The following FCRL3 variants were observed in gnomAD, a reference collection of about 807,000 sequenced individuals.
The protein encoded by FCRL3 is Fc receptor-like protein 3.
In FCRL3, 89 loss-of-function variants were observed where a neutral mutation model predicts 75.0. The observed-to-expected ratio is 1.19, with a 90% confidence interval of 1.00 to 1.42. The LOEUF is 1.42. Among genes scored for constraint, FCRL3 ranks in the 40% most tolerant of loss-of-function variants. FCRL3 has a pLI of 0.00. For missense variants in FCRL3, 946 were observed against 880.0 expected, an observed-to-expected ratio of 1.07 and a Z score of -0.95; for synonymous variants, 376 against 348.5, an observed-to-expected ratio of 1.08 and a Z score of -0.88.
At chr1:157,686,838 A>G (rs1448659250) in intron 10 of FCRL3, among the ~76,000 whole-genome samples, 1 of 152,192 alleles carries the variant, frequency 6.6e-6, no homozygotes. Context: ...TAAAATTCCT[A>G]GAGGAAAACC....
intron 10 of FCRL3, among the ~76,000 whole-genome samples, chr1:157,689,274 A>G (rs562852031): frequency 1.3e-5 from 2 of 152,358 alleles, no homozygotes; most frequent in East Asian, 3.9e-4. Context: ...TGAAATCTGC[A>G]AAAGAGATAC....
chr1:157,684,813 A>C (rs1571195691), intron 10 of FCRL3, among the ~76,000 whole-genome samples: 1 of 152,156 alleles, frequency 6.6e-6, no homozygotes, highest in East Asian at 1.9e-4. Flanking sequence ...AGAGTCAAAA[A>C]ACCTATCATT....
chr1:157,679,686 G>A (rs1438482962), intron 13 of FCRL3, among the ~76,000 whole-genome samples: 1 of 151,604 alleles, frequency 6.6e-6, no homozygotes, highest in Non-Finnish European at 1.5e-5. Context: ...AAATTTAGCT[G>A]GGCATGGTGA....
In FCRL3 at chr1:157,678,009, G is replaced by A; in HGVS notation, c.*701C>T. On this transcript the variant is annotated 3_prime_UTR_variant, in exon 15 of 15. Transcript: ENST00000368184. The stretch of plus-strand genomic sequence containing the variant: ...ATCTATCATGTATGGCAAATGATGA[G>A]ACTATGTCATGAAGCAAAAATTACA... The A allele has an allele frequency of 1.0e-6, 1 of 985,376 alleles. No homozygotes were observed. Among genetic ancestry groups the A allele is most frequent in the Non-Finnish European group, 1.2e-6 (1 of 829,926 alleles). The allele number at this position is 985,376 out of a possible 1,614,324, so 61.0% of individuals were successfully genotyped here.
At position 157,678,150 on chromosome 1, in the gene FCRL3, T is replaced by C. The variant is rs974097523; in HGVS notation, c.*560A>G. 1.0e-6 allele frequency: 1 copy of C among 986,144 alleles called. No individual in the cohort carries two copies. The highest frequency in any genetic ancestry group is 1.7e-5 in the African/African-American group (1 of 57,358). 61.1% of individuals were successfully genotyped at this position (986,144 alleles called of 1,614,324 possible). On this transcript the variant is annotated 3_prime_UTR_variant, in exon 15 of 15. Coordinates refer to ENST00000368184, the MANE Select transcript of FCRL3 (RefSeq NM_052939.4). ...ATTTTTCATCATAACTAGGGTAATT[T>C]GGTTGGGAATGTCACCCTGTAAGTA...
intron 8 of FCRL3, among the ~76,000 whole-genome samples, chr1:157,693,274 CAAAAAAAA>C (rs375572340): frequency 5.5e-5 from 3 of 54,798 alleles, no homozygotes; most frequent in Admixed American, 2.1e-4. Context: ...GACTCCATCT[CAAAAAAAA>C]AAAAAAAAAA....
Position 157,678,862 on chromosome 1 carries a change from A to G in FCRL3, c.2059-6T>C, listed in dbSNP as rs1654631780. ...GAATAGAGGACTGTAAGTTCCTGGTAGAAAAAAACACAAAAGGTAAGTACC... is the reference window on the plus strand; with the variant it reads ...GAATAGAGGACTGTAAGTTCCTGGTGGAAAAAAACACAAAAGGTAAGTACC... On this transcript the variant is annotated splice_polypyrimidine_tract_variant and splice_region_variant and intron_variant, in intron 14 of 14. Transcript: ENST00000368184. 1.2e-6 allele frequency: 2 copies of G among 1,613,910 alleles called. No homozygotes were observed. Among genetic ancestry groups the G allele is most frequent in the Non-Finnish European group, 1.7e-6 (2 of 1,179,976 alleles).
At chr1:157,692,956 A>G (rs533378299) in intron 8 of FCRL3, among the ~76,000 whole-genome samples, 2 of 152,320 alleles carry the variant, frequency 1.3e-5, no homozygotes, top group East Asian at 1.9e-4. Context: ...CATGGCAACC[A>G]AAGTTTAAAC....
At chr1:157,688,404 A>C (rs1655307456) in intron 10 of FCRL3, among the ~76,000 whole-genome samples, 1 of 152,138 alleles carries the variant, frequency 6.6e-6, no homozygotes, top group African/African-American at 2.4e-5. Flanking sequence ...ACACTTATCC[A>C]CCTAATAATG....
Position 157,677,269 on chromosome 1 carries a change from GGTGACCCT to G in FCRL3, c.*1433_*1440del. On this transcript the variant is annotated 3_prime_UTR_variant, in exon 15 of 15. Transcript: ENST00000368184. ...GGAACCTAAGGGTAGCAGAGTTTAT[GGTGACCCT>G]GTAGTGTATCTCCAGAAATGGTGAT... 1 of 996,940 alleles carries G rather than the reference GGTGACCCT, an allele frequency of 1.0e-6. No homozygotes were observed. Among genetic ancestry groups the G allele is most frequent in the Non-Finnish European group, 1.2e-6 (1 of 836,170 alleles). 61.8% of individuals were successfully genotyped at this position (996,940 alleles called of 1,614,324 possible).
At chr1:157,681,225 G>T (rs939429823) in intron 11 of FCRL3, 126 bp from the exon 12 acceptor site, 8 of 503,770 alleles carry the variant, frequency 1.6e-5, no homozygotes, top group Non-Finnish European at 2.3e-5. Context: ...GTCTGCTTCT[G>T]CTTGGGTCTT....
chr1:157,680,647 C>A, intron 13 of FCRL3, 55 bp downstream of exon 13: 1 of 1,465,500 alleles, frequency 6.8e-7, no homozygotes, highest in Non-Finnish European at 9.5e-7. Context: ...AGACCCCTTG[C>A]CCGTTTCAAT....
rs1159356412 is a variant in FCRL3 at position 157,690,675 on chromosome 1, C to G, written c.1412-142G>C. 3.0e-6 allele frequency: 3 copies of G among 992,166 alleles called. No homozygotes were observed. The Admixed American group carries it at 8.6e-5, about 28-fold the overall frequency. 61.5% of individuals were successfully genotyped at this position (992,166 alleles called of 1,614,324 possible). On this transcript the variant is annotated intron_variant, in intron 8 of 14. Transcript: ENST00000368184. ...ACCTGGGCTTCAATCCTGTCTCTATCCTTTATTAGCTCTATAAGCTTGATT... is the reference window on the plus strand; with the variant it reads ...ACCTGGGCTTCAATCCTGTCTCTATGCTTTATTAGCTCTATAAGCTTGATT...
chr1:157,696,999 C>T (rs963503776), intron 6 of FCRL3, 141 bp downstream of exon 6: 28 of 815,454 alleles, frequency 3.4e-5, no homozygotes, highest in East Asian at 9.7e-5. Context: ...GTTAGACCAA[C>T]GTTGAGCTTA....
chr1:157,686,991 G>C (rs1478375444), intron 10 of FCRL3, among the ~76,000 whole-genome samples: 1 of 152,000 alleles, frequency 6.6e-6, no homozygotes, highest in Non-Finnish European at 1.5e-5. Context: ...TATCAACAGA[G>C]TAAACAGGCA....
At position 157,683,363 on chromosome 1, in the gene FCRL3, A is replaced by T. The variant is rs182189448; in HGVS notation, c.1811-119T>A. The T allele has an allele frequency of 6.1e-5, 78 of 1,276,302 alleles. 1 individual carries two copies. The Admixed American group carries it at 1.0e-3, about 17-fold the overall frequency. The allele number at this position is 1,276,302 out of a possible 1,614,324, so 79.1% of individuals were successfully genotyped here. A position where few individuals can be genotyped will look rare whatever the true frequency, so the allele number is the denominator to read the frequency against. On this transcript the variant is annotated intron_variant, in intron 10 of 14. Transcript: ENST00000368184. ...CTAGATCTAAGCTACGGAAAAACTC[A>T]AGGATTATCCAGCTCCACCCTCCTT...
At position 157,677,392 on chromosome 1, in the gene FCRL3, T is replaced by C; in HGVS notation, c.*1318A>G. ...TGCTTTGAAAGGGACTTGGTGTTCC[T>C]ACATGAACCAAGTGAAGGCCTAGAA... On this transcript the variant is annotated 3_prime_UTR_variant, in exon 15 of 15. Transcript: ENST00000368184. 1.0e-6 allele frequency: 1 copy of C among 985,734 alleles called. No individual in the cohort carries two copies. The highest frequency in any genetic ancestry group is 1.2e-6 in the Non-Finnish European group (1 of 830,154). The allele number at this position is 985,734 out of a possible 1,614,324, so 61.1% of individuals were successfully genotyped here.
rs756738282 is a variant in FCRL3 at position 157,697,732 on chromosome 1, A to G, written c.486T>C (p.His162=). 6.2e-6 allele frequency: 10 copies of G among 1,613,798 alleles called. No homozygotes were observed. The South Asian group carries it at 6.6e-5, about 11-fold the overall frequency. Residue 162 remains histidine (H), a synonymous_variant, in exon 5 of 15, where the codon CAT becomes CAC. Transcript: ENST00000368184. The part of the protein sequence containing the change: ...NSVSRDNSKY[H]CTAYRKFYIL... ...TGTAAAACTTCCTATAAGCAGTACAATGATATTTGCTATTATCCCTGGAGA... is the reference window on the plus strand; with the variant it reads ...TGTAAAACTTCCTATAAGCAGTACAGTGATATTTGCTATTATCCCTGGAGA...
chr1:157,696,348 A>T (rs751110019), intron 6 of FCRL3, 21 bp from the exon 7 acceptor site: 1 of 1,612,102 alleles, frequency 6.2e-7, no homozygotes, highest in Non-Finnish European at 8.5e-7. Context: ...ACAAGATGGC[A>T]TGTGAAGGTC....
Sources: gnomAD v4.1 joint callset for allele counts (sites outside exome capture counted in the v4.1 genomes callset) on GRCh38, gnomAD v4.1.1 for gene constraint, MANE v1.5 for transcripts, NCBI Gene and HGNC (gene_info 2026-07-23, HGNC 2026-07-21) for gene names.